TMEM17: variants seen among roughly 807,000 people sequenced by gnomAD.
The protein encoded by TMEM17 is transmembrane protein 17.
A neutral mutation model predicts 19.1 loss-of-function variants in TMEM17; 15 were observed. The ratio of observed to expected loss-of-function variants is 0.78; its 90% confidence interval spans 0.52 to 1.21. TMEM17 has a LOEUF of 1.21. Ranked by LOEUF, TMEM17 falls within the 50% of genes most tolerant of loss-of-function variation. The pLI is 0.00. For missense variants in TMEM17, 245 were observed against 242.3 expected (o/e 1.01, Z -0.07); for synonymous variants, 103 against 86.9 (o/e 1.19, Z -1.03).
the TMEM17 span, among the ~76,000 whole-genome samples, chr2:62,467,452 A>G: frequency 2.0e-5 from 3 of 152,198 alleles, no homozygotes; most frequent in African/African-American, 7.2e-5. Flanking sequence ...TGGAAGCACT[A>G]TAGAGACTTC....
At chr2:62,483,931 A>G in the TMEM17 span, among the ~76,000 whole-genome samples, 1 of 152,014 alleles carries the variant, frequency 6.6e-6, no homozygotes, top group Admixed American at 6.6e-5. Flanking sequence ...GTTCCTTCCC[A>G]TTCCAGCATC....
chr2:62,467,874 C>A, the TMEM17 span, among the ~76,000 whole-genome samples: 1 of 145,922 alleles, frequency 6.9e-6, no homozygotes, highest in Non-Finnish European at 1.5e-5. Context: ...TGTGGGCATG[C>A]CATCTCTCCT....
the TMEM17 span, among the ~76,000 whole-genome samples, chr2:62,489,021 C>T: frequency 5.3e-5 from 8 of 152,294 alleles, no homozygotes; most frequent in South Asian, 1.7e-3. Flanking sequence ...TACCAGGTGA[C>T]TCAAGGTTGG....
At chr2:62,455,801 G>A in the TMEM17 span, among the ~76,000 whole-genome samples, 11 of 152,280 alleles carry the variant, frequency 7.2e-5, 1 homozygote, top group Middle Eastern at 6.8e-3. Context: ...TATTTTCCAA[G>A]TCAGTTGTAC....
At chr2:62,470,578 C>T in the TMEM17 span, among the ~76,000 whole-genome samples, 1 of 152,350 alleles carries the variant, frequency 6.6e-6, no homozygotes, top group South Asian at 2.1e-4. Context: ...ACCTCCTTGG[C>T]CAGAGGCCCA....
At chr2:62,498,715 C>CAA (rs1439088466), downstream of TMEM17, among the ~76,000 whole-genome samples, 15 of 104,318 alleles carry the variant, frequency 1.4e-4, no homozygotes, top group South Asian at 1.3e-3. Flanking sequence ...GACTCCGTCT[C>CAA]AAAAATAAAA....
At chr2:62,492,175 G>A in the TMEM17 span, among the ~76,000 whole-genome samples, 35 of 152,204 alleles carry the variant, frequency 2.3e-4, no homozygotes, top group African/African-American at 7.0e-4. Flanking sequence ...TTAGAGAGAG[G>A]GAGCACTGCA....
At chr2:62,489,134 T>TGTTTTCCCTGAGGATGA in the TMEM17 span, among the ~76,000 whole-genome samples, 4 of 152,202 alleles carry the variant, frequency 2.6e-5, no homozygotes, top group Admixed American at 6.5e-5. Context: ...TCCTAGGATG[T>TGTTTTCCCTGAGGATGA]GTTTTCCCTG....
At chr2:62,494,923 G>A in the TMEM17 span, among the ~76,000 whole-genome samples, 59 of 152,332 alleles carry the variant, frequency 3.9e-4, no homozygotes, top group East Asian at 9.1e-3. Flanking sequence ...GCTGAGGCAA[G>A]AGAATGGTGT....
At chr2:62,493,220 G>C in the TMEM17 span, among the ~76,000 whole-genome samples, 1 of 151,812 alleles carries the variant, frequency 6.6e-6, no homozygotes, top group East Asian at 1.9e-4. Flanking sequence ...TAGAGACAGG[G>C]CATCACTATG....
the TMEM17 span, among the ~76,000 whole-genome samples, chr2:62,477,368 G>C: frequency 1.3e-5 from 2 of 150,862 alleles, no homozygotes; most frequent in Middle Eastern, 3.4e-3. Flanking sequence ...CTGTACTCCA[G>C]CCTGGGCGAC....
chr2:62,475,899 A>T, the TMEM17 span, among the ~76,000 whole-genome samples: 3 of 151,768 alleles, frequency 2.0e-5, no homozygotes, highest in East Asian at 5.8e-4. Context: ...GAATGTGTGG[A>T]TGGGGGCGGG....
the TMEM17 span, among the ~76,000 whole-genome samples, chr2:62,454,984 C>T: frequency 2.8e-4 from 42 of 152,300 alleles, no homozygotes; most frequent in Admixed American, 6.5e-4. Flanking sequence ...GGATTACAGG[C>T]GTGAGCCACT....
the TMEM17 span, among the ~76,000 whole-genome samples, chr2:62,479,886 T>C: frequency 1.0e-5 from 1 of 99,422 alleles, no homozygotes; most frequent in Admixed American, 1.2e-4. Flanking sequence ...GTGAGACCTG[T>C]CTCAAAAAAA....
chr2:62,478,282 A>T, the TMEM17 span, among the ~76,000 whole-genome samples: 1 of 152,196 alleles, frequency 6.6e-6, no homozygotes. Flanking sequence ...ATGTGACAGG[A>T]TGGAAATGCT....
chr2:62,485,962 T>TAG, the TMEM17 span, among the ~76,000 whole-genome samples: 1 of 152,214 alleles, frequency 6.6e-6, no homozygotes, highest in African/African-American at 2.4e-5. Flanking sequence ...TTAAAAACTG[T>TAG]GCTTTTTTTT....
the TMEM17 span, among the ~76,000 whole-genome samples, chr2:62,490,934 C>G: frequency 6.6e-6 from 1 of 151,954 alleles, no homozygotes; most frequent in Non-Finnish European, 1.5e-5. Flanking sequence ...AAAAAATTAG[C>G]TGGGCGCAGT....
rs778796532 is a variant in TMEM17, at chr2:62,506,027, C to G, written c.100+3G>C. The G allele has an allele frequency of 1.9e-6, 3 of 1,607,882 alleles. No individual in the cohort carries two copies. The highest frequency in any genetic ancestry group is 2.5e-6 in the Non-Finnish European group (3 of 1,177,368). ...CCCCCTGCACCGGGCCTCGGTCACT[C>G]ACCCGGACCCTCATTGGACTCTGGA... is the stretch of plus-strand genomic sequence containing the variant. On this transcript the variant is annotated splice_donor_region_variant and intron_variant, in intron 1 of 3. Coordinates refer to ENST00000335390, the MANE Select transcript of TMEM17 (RefSeq NM_198276.3).
chr2:62,497,075 G>C (rs10188099), downstream of TMEM17, among the ~76,000 whole-genome samples: 23,159 of 152,156 alleles, frequency 0.15, 1,993 homozygotes, highest in East Asian at 0.37. Context: ...TTAGAAAAAA[G>C]ACCCTCCTAA....
Sources: allele counts gnomAD v4.1 joint callset (sites outside exome capture counted in the v4.1 genomes callset), GRCh38; gene constraint gnomAD v4.1.1; transcripts MANE v1.5; gene names NCBI Gene and HGNC (gene_info 2026-07-23, HGNC 2026-07-21).